Variants in CPLANE1 observed in about 807,000 individuals in gnomAD.
CPLANE1 encodes ciliogenesis and planar polarity effector 1.
CPLANE1 carries 263 observed loss-of-function variants against 362.5 expected under a neutral mutation model. The observed-to-expected ratio is 0.73, with a 90% CI of 0.66 to 0.80. The LOEUF (loss-of-function observed/expected upper bound fraction) is 0.80. Ranked by LOEUF, CPLANE1 falls within the 30% of genes least tolerant of loss-of-function variation. The pLI, the probability that CPLANE1 is intolerant of heterozygous loss-of-function variation, is 0.00. For missense variants in CPLANE1, 3,461 were observed against 3,793.4 expected (o/e 0.91, Z 2.30); for synonymous variants, 1,212 against 1,302.6 (o/e 0.93, Z 1.50).
chr5:37,231,442 C>T (rs1424348743), intron 8 of CPLANE1, among the ~76,000 whole-genome samples: 1 of 152,122 alleles, frequency 6.6e-6, no homozygotes, highest in Non-Finnish European at 1.5e-5. Flanking sequence ...TGGCGGGTGC[C>T]CATAATCCCA....
At chr5:37,224,785 A>AACTCATCATTAGCC in intron 12 of CPLANE1, 45 bp from the exon 13 acceptor site, 2 of 1,386,372 alleles carry the variant, frequency 1.4e-6, no homozygotes, top group Non-Finnish European at 2.0e-6. Context: ...TTTCAGGCTA[A>AACTCATCATTAGCC]TGATGAGTTT....
intron 46 of CPLANE1, among the ~76,000 whole-genome samples, chr5:37,131,363 AC>A (rs1286585552): frequency 6.6e-6 from 1 of 151,922 alleles, no homozygotes; most frequent in Non-Finnish European, 1.5e-5. Context: ...TAATGCACAA[AC>A]TCTAGCTACA....
chr5:37,157,964 A>C (rs550814290), intron 39 of CPLANE1, 96 bp from the exon 40 acceptor site: 1 of 795,820 alleles, frequency 1.3e-6, no homozygotes, highest in South Asian at 2.2e-5. Context: ...AAAAAGGCTT[A>C]ATTCTTCATT....
intron 16 of CPLANE1, chr5:37,211,104 C>A: frequency 9.6e-7 from 1 of 1,042,314 alleles, no homozygotes; most frequent in Non-Finnish European, 1.5e-6. Context: ...CATGGTGCTT[C>A]ACAATGGTGA....
chr5:37,121,896 TGA>T, intron 48 of CPLANE1, 112 bp from the exon 49 acceptor site: 1 of 856,490 alleles, frequency 1.2e-6, no homozygotes, highest in Non-Finnish European at 1.8e-6. Context: ...TTTTTTTTTT[TGA>T]GACGGAGTTT....
the CPLANE1 span, among the ~76,000 whole-genome samples, chr5:37,077,606 CTTT>C: frequency 0.012 from 875 of 75,924 alleles, 7 homozygotes; most frequent in African/African-American, 0.051. Context: ...GTGTGTGTGT[CTTT>C]TTTTTTTTTT....
chr5:37,118,877 C>T (rs961867500), intron 50 of CPLANE1, among the ~76,000 whole-genome samples: 1 of 152,080 alleles, frequency 6.6e-6, no homozygotes, highest in African/African-American at 2.4e-5. Context: ...CCACGCCCAG[C>T]TAATTTTAGT....
chr5:37,180,061 GCTTCTA>G lies in CPLANE1; in HGVS notation c.5687_5692del (p.Val1896_Glu1897del). 6.4e-7 allele frequency: 1 copy of G among 1,571,548 alleles called. No individual in the cohort carries two copies. Among genetic ancestry groups the G allele is most frequent in the Non-Finnish European group, 8.6e-7 (1 of 1,157,394 alleles). On this transcript the variant is annotated inframe_deletion, in exon 28 of 53. Transcript: ENST00000651892. ...CATATCCATTTCCTCTTCTGTAAAT[GCTTCTA>G]CTTCTAAAAGATTCTCATCAATATC...
chr5:37,110,900 C>T (rs547898752), intron 51 of CPLANE1, among the ~76,000 whole-genome samples: 128 of 150,958 alleles, frequency 8.5e-4, no homozygotes, highest in African/African-American at 2.8e-3. Flanking sequence ...CTCTGCCTCC[C>T]GGGTTCACGC....
At chr5:37,222,244 A>T (rs1404604059) in intron 14 of CPLANE1, among the ~76,000 whole-genome samples, 2 of 152,204 alleles carry the variant, frequency 1.3e-5, no homozygotes, top group Non-Finnish European at 2.9e-5. Context: ...AAGAGATAAC[A>T]TTGTATGCAA....
chr5:37,134,113 G>C (rs998844905), intron 46 of CPLANE1, among the ~76,000 whole-genome samples: 5 of 151,914 alleles, frequency 3.3e-5, no homozygotes, highest in Admixed American at 6.6e-5. Context: ...TTTTTCCTTG[G>C]GTCTTCGCCA....
the CPLANE1 span, among the ~76,000 whole-genome samples, chr5:37,079,508 AACTC>A: frequency 6.6e-6 from 1 of 152,226 alleles, no homozygotes; most frequent in African/African-American, 2.4e-5. Flanking sequence ...TCAGGTAGGC[AACTC>A]ACTCCTACCA....
intron 8 of CPLANE1, 60 bp downstream of exon 8, chr5:37,238,797 C>G (rs1799631617): frequency 5.4e-6 from 5 of 930,034 alleles, no homozygotes; most frequent in Non-Finnish European, 6.3e-6. Flanking sequence ...CCACACCTGA[C>G]AGAGACCCAT....
intron 16 of CPLANE1, chr5:37,211,507 T>G (rs1792585581): frequency 7.4e-7 from 1 of 1,347,446 alleles, no homozygotes; most frequent in East Asian, 2.3e-5. Context: ...AATGACATCT[T>G]GGAAGCCCTG....
In CPLANE1 at chr5:37,227,619, A is replaced by G. The variant is rs1321659121; in HGVS notation, c.1320T>C (p.Leu440=). 5 of 1,551,418 alleles carry G rather than the reference A, an allele frequency of 3.2e-6. No homozygotes were observed. Among genetic ancestry groups the G allele is most frequent in the East Asian group, 2.4e-5 (1 of 40,892 alleles). The stretch of plus-strand genomic sequence containing the variant: ...TTTTCTCAAGCCTCTGGGTTGAATC[A>G]AGTAGAAGTGATCTCATGTGTACTG... ...SPSVHMRSLL[L]DSTQRLEKIY... Residue 440 remains leucine (L), a synonymous_variant, in exon 10 of 53, where the codon CTT becomes CTC. Transcript: ENST00000651892.
At chr5:37,088,935 A>G in the CPLANE1 span, among the ~76,000 whole-genome samples, 2 of 152,108 alleles carry the variant, frequency 1.3e-5, no homozygotes, top group Non-Finnish European at 2.9e-5. Flanking sequence ...ATGGACTGTA[A>G]AGGTCTGCAT....
chr5:37,165,435 TCA>T (rs1482862568), intron 36 of CPLANE1, 102 bp downstream of exon 36: 1 of 1,078,236 alleles, frequency 9.3e-7, no homozygotes, highest in Non-Finnish European at 1.4e-6. Context: ...ATCCTCCTAG[TCA>T]CAGTCAGAAG....
rs939314205 is a variant in CPLANE1, at chr5:37,210,762, C to T, written c.2920+2797G>A. The T allele has an allele frequency of 9.9e-5, 150 of 1,518,376 alleles. 1 individual carries two copies. In the Admixed American group the frequency reaches 2.0e-3, roughly 21 times the overall value. 94.1% of individuals were successfully genotyped at this position (1,518,376 alleles called of 1,614,324 possible). A position where few individuals can be genotyped will look rare whatever the true frequency, so the allele number is the denominator to read the frequency against. Reference sequence around the variant, plus strand: ...GGAAGAGAGTAGAAATGAAAACTTGCGTCTCCTAAACCGCCTAGCTCAGCT... The same window carrying T: ...GGAAGAGAGTAGAAATGAAAACTTGTGTCTCCTAAACCGCCTAGCTCAGCT... On this transcript the variant is annotated intron_variant, in intron 16 of 52. Coordinates refer to ENST00000651892, the MANE Select transcript of CPLANE1 (RefSeq NM_001384732.1).
Position 37,226,338 on chromosome 5 carries a change from G to A in CPLANE1, c.2257C>T (p.Gln753Ter). The change falls in exon 12 of 53, where the codon CAA (glutamine) becomes TAA (stop). Residue 753 changes from glutamine (Q) to a stop codon, truncating the protein, a stop_gained. Coordinates refer to ENST00000651892, the MANE Select transcript of CPLANE1 (RefSeq NM_001384732.1). LOFTEE classifies it high-confidence loss of function. ...GGCTGTTGCACAGGATTTACTACTT[G>A]AGGATGAATCTTGAAAAATGAGTTC... ...SWNSFFKIHP[Q>*]VVNPVQQPGH... The A allele has an allele frequency of 6.5e-7, 1 of 1,540,478 alleles. No homozygotes were observed. Among genetic ancestry groups the A allele is most frequent in the Non-Finnish European group, 8.7e-7 (1 of 1,143,654 alleles).
Sources: gnomAD v4.1 joint callset for allele counts (sites outside exome capture counted in the v4.1 genomes callset) on GRCh38, gnomAD v4.1.1 for gene constraint, MANE v1.5 for transcripts, NCBI Gene and HGNC (gene_info 2026-07-23, HGNC 2026-07-21) for gene names.